The following CYGB variants were observed in gnomAD, a reference collection of about 807,000 sequenced individuals.
The protein encoded by CYGB is histoglobin.
CYGB carries 13 observed loss-of-function variants against 20.7 expected under a neutral mutation model. The observed-to-expected ratio is 0.63, with a 90% confidence interval of 0.41 to 1.00. The LOEUF is 1.00. Ranked by LOEUF, CYGB falls within the 50% of genes least tolerant of loss-of-function variation. CYGB has a pLI of 0.00. For missense variants in CYGB, 218 were observed against 257.2 expected (o/e 0.85, Z 1.04); for synonymous variants, 93 against 107.4 (o/e 0.87, Z 0.83).
At chr17:76,542,427 C>T (rs2075002501), upstream of CYGB, 1 of 1,095,118 alleles carries the variant, frequency 9.1e-7, no homozygotes. Context: ...CAACTGATTC[C>T]TTAGGTGGTC....
chr17:76,540,262 G>GA, upstream of CYGB: 2 of 738,398 alleles, frequency 2.7e-6, 1 homozygote, highest in South Asian at 3.0e-5. The surrounding 1 kb of genome is among the most constrained non-coding windows in gnomAD (Gnocchi z 5.0). Flanking sequence ...GGGGGGGGGG[G>GA]GCATGGGGCT....
chr17:76,529,732 G>T (rs867545916), intron 3 of CYGB: 1 of 985,348 alleles, frequency 1.0e-6, no homozygotes, highest in African/African-American at 1.7e-5. Context: ...GGGGTGAGGG[G>T]GCAACCACTG....
intron 1 of CYGB, among the ~76,000 whole-genome samples, chr17:76,534,146 T>TTCTCTCTCTCTCTCTCTCTCTCTCTC (rs71158013): frequency 7.8e-5 from 10 of 129,006 alleles, no homozygotes; most frequent in South Asian, 5.6e-4. Flanking sequence ...CTCTTTCTCT[T>TTCTCTCTCTCTCTCTCTCTCTCTCTC]TCTCTCTCTC....
chr17:76,530,080 G>C lies in CYGB; in HGVS notation c.539+899C>G. 1 of 985,370 alleles carries C rather than the reference G, an allele frequency of 1.0e-6. No homozygotes were observed. The highest frequency in any genetic ancestry group is 4.7e-5 in the South Asian group (1 of 21,288). 61.0% of individuals were successfully genotyped at this position (985,370 alleles called of 1,614,324 possible). On this transcript the variant is annotated intron_variant, in intron 3 of 3. Coordinates refer to ENST00000293230, the MANE Select transcript of CYGB (RefSeq NM_134268.5). This position sits in a 1 kb window ranked among gnomAD's most constrained non-coding sequence, Gnocchi z 6.1. ...CGTGCAGAGCCCGGCGGGAGACGCCGCCTTTTCCATGGGAAACTGCTGGGA... is the reference window on the plus strand; with the variant it reads ...CGTGCAGAGCCCGGCGGGAGACGCCCCCTTTTCCATGGGAAACTGCTGGGA...
chr17:76,530,920 G>C lies in CYGB; in HGVS notation c.539+59C>G. On this transcript the variant is annotated intron_variant, in intron 3 of 3. Coordinates refer to ENST00000293230, the MANE Select transcript of CYGB (RefSeq NM_134268.5). The surrounding 1 kb of genome is among the most constrained non-coding windows in gnomAD (Gnocchi z 6.1). ...GGCCTCAGGAGATATGGGAGACCTC[G>C]GGGACAGCAGAGGACATGGCGGGGA... The C allele has an allele frequency of 6.7e-7, 1 of 1,500,596 alleles. No individual in the cohort carries two copies. Among genetic ancestry groups the C allele is most frequent in the South Asian group, 1.3e-5 (1 of 77,798 alleles). The allele number at this position is 1,500,596 out of a possible 1,614,324, so 93.0% of individuals were successfully genotyped here.
In CYGB at chr17:76,530,009, C is replaced by T; in HGVS notation, c.539+970G>A. ...CCCAGCTGCCCTCAGGGGACCTCCT[C>T]CAGGAGCTGTGCCTGTGAACAGAAG... On this transcript the variant is annotated intron_variant, in intron 3 of 3. Coordinates refer to ENST00000293230, the MANE Select transcript of CYGB (RefSeq NM_134268.5). The surrounding 1 kb of genome is among the most constrained non-coding windows in gnomAD (Gnocchi z 6.1). 1 of 985,390 alleles carries T rather than the reference C, an allele frequency of 1.0e-6. No homozygotes were observed. The highest frequency in any genetic ancestry group is 1.2e-6 in the Non-Finnish European group (1 of 829,916). 61.0% of individuals were successfully genotyped at this position (985,390 alleles called of 1,614,324 possible).
chr17:76,533,321 A>G lies in CYGB; in HGVS notation c.144-1630T>C, dbSNP rs187473100. On this transcript the variant is annotated intron_variant, in intron 1 of 3. Transcript: ENST00000293230. The surrounding 1 kb of genome is among the most constrained non-coding windows in gnomAD (Gnocchi z 4.5). ...AGGACACGTGAGGCGACGGGTCTGA[A>G]AATACATTGAATTTTCTGGAGAAGC... Among the ~76,000 whole-genome samples, 10 of 152,344 alleles carry G rather than the reference A, an allele frequency of 6.6e-5. No individual in the cohort carries two copies. Among genetic ancestry groups the G allele is most frequent in the Non-Finnish European group, 1.5e-5 (1 of 68,036 alleles).
Position 76,533,290 on chromosome 17 carries a change from C to T in CYGB, c.144-1599G>A, listed in dbSNP as rs768433855. ...CCCCGCTCACTGCTTCATGGATACA[C>T]GGGTGAGGACACGTGAGGCGACGGG... On this transcript the variant is annotated intron_variant, in intron 1 of 3. Coordinates refer to ENST00000293230, the MANE Select transcript of CYGB (RefSeq NM_134268.5). The surrounding 1 kb of genome is among the most constrained non-coding windows in gnomAD (Gnocchi z 4.5). Among the ~76,000 whole-genome samples, 24 of 152,298 alleles carry T rather than the reference C, an allele frequency of 1.6e-4. 1 individual carries two copies. The highest frequency in any genetic ancestry group is 3.6e-4 in the African/African-American group (15 of 41,550).
At chr17:76,544,198 C>G (rs1400407118) in intron 1 of CYGB, 4 of 454,436 alleles carry the variant, frequency 8.8e-6, no homozygotes, top group African/African-American at 4.0e-5. Context: ...AAAAACCCCC[C>G]GTGCCTCTGT....
intron 1 of CYGB, chr17:76,545,420 G>A (rs983741689): frequency 1.3e-5 from 6 of 455,734 alleles, no homozygotes; most frequent in Admixed American, 9.4e-5. Context: ...CTTGCAAAGA[G>A]CCGCTGCTTG....
At chr17:76,547,597 C>G (rs12936288) in intron 1 of CYGB, among the ~76,000 whole-genome samples, 52,126 of 151,760 alleles carry the variant, frequency 0.34, 11,314 homozygotes, top group African/African-American at 0.62. Flanking sequence ...GCCTGTGCAC[C>G]TGGGGAGGAG....
In CYGB at chr17:76,531,851, C is replaced by G. The variant is rs559693514; in HGVS notation, c.144-160G>C. 1.3e-4 allele frequency: 81 copies of G among 619,250 alleles called. No homozygotes were observed. In the East Asian group the frequency reaches 2.3e-3, roughly 17 times the overall value. 38.4% of individuals were successfully genotyped at this position (619,250 alleles called of 1,614,324 possible). A position where few individuals can be genotyped will look rare whatever the true frequency, so the allele number is the denominator to read the frequency against. On this transcript the variant is annotated intron_variant, in intron 1 of 3. Transcript: ENST00000293230. The surrounding 1 kb of genome is among the most constrained non-coding windows in gnomAD (Gnocchi z 7.4). ...ATCAGTAGACCTCAGCATAGACCCT[C>G]CTCCCTCTGGCCAAGCCGGCTCACC...
chr17:76,540,463 G>C, upstream of CYGB: 1 of 1,602,526 alleles, frequency 6.2e-7, no homozygotes, highest in African/African-American at 1.3e-5. The surrounding 1 kb of genome is among the most constrained non-coding windows in gnomAD (Gnocchi z 5.0). Flanking sequence ...TGAGGGGCTG[G>C]GCACAGCCAT....
chr17:76,530,140 G>GGGAATGTTTCTCTA lies in CYGB; in HGVS notation c.539+838_539+839insTAGAGAAACATTCC. The stretch of plus-strand genomic sequence containing the variant: ...TACCACGGGAATGTTTCTCTACCAC[G>GGGAATGTTTCTCTA]CGTGTCCCGGGCTGCTGGCTGACCT... On this transcript the variant is annotated intron_variant, in intron 3 of 3. Transcript: ENST00000293230. This position sits in a 1 kb window ranked among gnomAD's most constrained non-coding sequence, Gnocchi z 6.1. 27 of 966,444 alleles carry GGGAATGTTTCTCTA rather than the reference G, an allele frequency of 2.8e-5. No homozygotes were observed. Among genetic ancestry groups the GGGAATGTTTCTCTA allele is most frequent in the Non-Finnish European group, 3.1e-5 (25 of 812,936 alleles). The allele number at this position is 966,444 out of a possible 1,614,324, so 59.9% of individuals were successfully genotyped here. A position where few individuals can be genotyped will look rare whatever the true frequency, so the allele number is the denominator to read the frequency against.
In CYGB at chr17:76,527,559, C is replaced by G. The variant is rs1212882157; in HGVS notation, c.*1019G>C. The G allele has an allele frequency of 1.8e-5, 8 of 442,070 alleles. No individual in the cohort carries two copies. Among genetic ancestry groups the G allele is most frequent in the East Asian group, 7.1e-5 (1 of 14,044 alleles). The allele number at this position is 442,070 out of a possible 1,614,324, so 27.4% of individuals were successfully genotyped here. ...GTGACCAAGGGGCACACACGGGGGG[C>G]CCCCCTGGCAAGCCTGACGCAGATG... On this transcript the variant is annotated 3_prime_UTR_variant, in exon 4 of 4. Coordinates refer to ENST00000293230, the MANE Select transcript of CYGB (RefSeq NM_134268.5).
rs1469786597 is a variant in CYGB at position 76,527,568 on chromosome 17, C to A, written c.*1010G>T. The A allele has an allele frequency of 2.2e-6, 1 of 445,820 alleles. No individual in the cohort carries two copies. Among genetic ancestry groups the A allele is most frequent in the Non-Finnish European group, 4.6e-6 (1 of 219,700 alleles). The allele number at this position is 445,820 out of a possible 1,614,324, so 27.6% of individuals were successfully genotyped here. A position where few individuals can be genotyped will look rare whatever the true frequency, so the allele number is the denominator to read the frequency against. ...GGGCACACACGGGGGGCCCCCCTGGCAAGCCTGACGCAGATGAATAGACAG... is the reference window on the plus strand; with the variant it reads ...GGGCACACACGGGGGGCCCCCCTGGAAAGCCTGACGCAGATGAATAGACAG... On this transcript the variant is annotated 3_prime_UTR_variant, in exon 4 of 4. Transcript: ENST00000293230.
At chr17:76,542,897 C>G in intron 1 of CYGB, 3 of 586,146 alleles carry the variant, frequency 5.1e-6, no homozygotes, top group South Asian at 4.7e-5. Flanking sequence ...GCGAGGTGGT[C>G]GTGCTGGGGC....
chr17:76,540,858 G>A (rs1212817019), upstream of CYGB, among the ~76,000 whole-genome samples: 1 of 152,224 alleles, frequency 6.6e-6, no homozygotes, highest in African/African-American at 2.4e-5. This position sits in a 1 kb window ranked among gnomAD's most constrained non-coding sequence, Gnocchi z 5.0. Flanking sequence ...GAAGGCACAG[G>A]GGAGTGGAAG....
Position 76,530,125 on chromosome 17 carries a change from A to G in CYGB, c.539+854T>C. On this transcript the variant is annotated intron_variant, in intron 3 of 3. Coordinates refer to ENST00000293230, the MANE Select transcript of CYGB (RefSeq NM_134268.5). This position sits in a 1 kb window ranked among gnomAD's most constrained non-coding sequence, Gnocchi z 6.1. ...CTGGGAATGTTTCTCTACCACGGGAATGTTTCTCTACCACGCGTGTCCCGG... is the reference window on the plus strand; with the variant it reads ...CTGGGAATGTTTCTCTACCACGGGAGTGTTTCTCTACCACGCGTGTCCCGG... The G allele has an allele frequency of 2.0e-6, 2 of 980,404 alleles. No homozygotes were observed. Among genetic ancestry groups the G allele is most frequent in the Non-Finnish European group, 2.4e-6 (2 of 826,276 alleles). The allele number at this position is 980,404 out of a possible 1,614,324, so 60.7% of individuals were successfully genotyped here.
Sources: gnomAD v4.1 joint callset for allele counts (sites outside exome capture counted in the v4.1 genomes callset) on GRCh38, gnomAD v4.1.1 for gene constraint, Gnocchi (gnomAD v3.1) non-coding constraint, MANE v1.5 for transcripts, NCBI Gene and HGNC (gene_info 2026-07-23, HGNC 2026-07-21) for gene names.